Variants in PRICKLE1 observed in about 807,000 individuals in gnomAD.
PRICKLE1 encodes the protein prickle-like protein 1.
In PRICKLE1, 14 loss-of-function variants were observed where a neutral mutation model predicts 70.2. The observed-to-expected ratio is 0.20, with a 90% CI of 0.13 to 0.31. The LOEUF is 0.31. PRICKLE1 is among the 10% of genes least tolerant of loss of function. The pLI is 1.00. For synonymous variants in PRICKLE1, 357 were observed against 379.9 expected, an observed-to-expected ratio of 0.94 and a Z score of 0.70; for missense variants, 821 against 1,026.2, an observed-to-expected ratio of 0.80 and a Z score of 2.73.
intron 1 of PRICKLE1, among the ~76,000 whole-genome samples, chr12:42,495,755 A>ATT (rs200834361): frequency 0.016 from 2,342 of 149,238 alleles, 69 homozygotes; most frequent in East Asian, 0.1. Flanking sequence ...CGCCCTGCTA[A>ATT]TTTTTTTTTT....
At chr12:42,574,611 C>T (rs1940774021) in intron 1 of PRICKLE1, among the ~76,000 whole-genome samples, 1 of 152,178 alleles carries the variant, frequency 6.6e-6, no homozygotes, top group Admixed American at 6.5e-5. Flanking sequence ...GATGTTAAAT[C>T]ACAATTTTAA....
At chr12:42,541,425 C>T (rs896992840) in intron 1 of PRICKLE1, among the ~76,000 whole-genome samples, 3 of 151,682 alleles carry the variant, frequency 2.0e-5, no homozygotes, top group Non-Finnish European at 2.9e-5. Flanking sequence ...ACTGCAGCCT[C>T]GACCTCCTGG....
rs201217516 is a variant in PRICKLE1, at chr12:42,552,059, CT to C, written c.-49+37405del. On this transcript the variant is annotated intron_variant, in intron 1 of 7. Coordinates refer to ENST00000345127, the MANE Select transcript of PRICKLE1 (RefSeq NM_153026.3). Reference sequence around the variant, plus strand: ...AACCTGTACACATTCAAGAAAGTTACTTTTTTTTTTTTTTTTTTTTTTTTGG... The same window carrying C: ...AACCTGTACACATTCAAGAAAGTTACTTTTTTTTTTTTTTTTTTTTTTTGG... 2.6e-3 allele frequency among the ~76,000 whole-genome samples: 341 copies of C among 129,172 alleles called. 1 individual carries two copies. Among genetic ancestry groups the C allele is most frequent in the African/African-American group, 6.8e-3 (225 of 32,916 alleles). 84.7% of individuals were successfully genotyped at this position (129,172 alleles called of 152,430 possible).
At chr12:42,508,869 T>G (rs1269289924) in intron 1 of PRICKLE1, among the ~76,000 whole-genome samples, 1 of 152,136 alleles carries the variant, frequency 6.6e-6, no homozygotes, top group Non-Finnish European at 1.5e-5. Flanking sequence ...GACCTCAGTT[T>G]CTCATCTACA....
chr12:42,563,565 T>C (rs981899020), intron 1 of PRICKLE1, among the ~76,000 whole-genome samples: 4 of 151,188 alleles, frequency 2.6e-5, no homozygotes, highest in Non-Finnish European at 4.4e-5. Flanking sequence ...TAGCCAGGCG[T>C]GGTGATGGGC....
chr12:42,504,552 A>T (rs1444730278), intron 1 of PRICKLE1, among the ~76,000 whole-genome samples: 3 of 152,168 alleles, frequency 2.0e-5, no homozygotes, highest in African/African-American at 7.2e-5. Context: ...CTGCTGAATG[A>T]GATTTGTATT....
chr12:42,494,577 C>T (rs571390209), intron 1 of PRICKLE1, among the ~76,000 whole-genome samples: 38 of 151,990 alleles, frequency 2.5e-4, no homozygotes, highest in African/African-American at 7.7e-4. Flanking sequence ...GAGGCTGAGA[C>T]GGGTGGATCA....
At chr12:42,555,965 T>C (rs1327990124) in intron 1 of PRICKLE1, among the ~76,000 whole-genome samples, 1 of 152,240 alleles carries the variant, frequency 6.6e-6, no homozygotes, top group Non-Finnish European at 1.5e-5. Context: ...TCTTTACAAG[T>C]AGCCTGAGGT....
chr12:42,556,136 A>C (rs1940409206), intron 1 of PRICKLE1, among the ~76,000 whole-genome samples: 1 of 152,156 alleles, frequency 6.6e-6, no homozygotes, highest in Non-Finnish European at 1.5e-5. Context: ...TGCCTTAAGC[A>C]ATTGATTGTT....
At chr12:42,568,384 T>G (rs1365287758) in intron 1 of PRICKLE1, among the ~76,000 whole-genome samples, 1 of 152,216 alleles carries the variant, frequency 6.6e-6, no homozygotes, top group Non-Finnish European at 1.5e-5. Context: ...CCATGTTGCC[T>G]AGGCTAGTCT....
At chr12:42,505,054 A>C (rs1939383667) in intron 1 of PRICKLE1, among the ~76,000 whole-genome samples, 1 of 152,140 alleles carries the variant, frequency 6.6e-6, no homozygotes, top group South Asian at 2.1e-4. Context: ...CAGGAGAATC[A>C]CTTGAACCCA....
intron 1 of PRICKLE1, among the ~76,000 whole-genome samples, chr12:42,533,857 C>T (rs780860134): frequency 1.5e-4 from 23 of 152,238 alleles, no homozygotes; most frequent in Middle Eastern, 3.4e-3. Context: ...TCACAACTCC[C>T]CTCCCACACA....
intron 1 of PRICKLE1, among the ~76,000 whole-genome samples, chr12:42,476,710 A>G (rs59645146): frequency 0.02 from 3,055 of 152,164 alleles, 93 homozygotes; most frequent in African/African-American, 0.07. Context: ...CAGTGGCACA[A>G]TCATGGCTTA....
At chr12:42,530,008 A>G (rs2120537726) in intron 1 of PRICKLE1, among the ~76,000 whole-genome samples, 1 of 143,662 alleles carries the variant, frequency 7.0e-6, no homozygotes, top group East Asian at 2.0e-4. Context: ...GTGCAGTGGC[A>G]CTATCTTGGC....
At chr12:42,553,539 G>A (rs1940363141) in intron 1 of PRICKLE1, among the ~76,000 whole-genome samples, 2 of 138,992 alleles carry the variant, frequency 1.4e-5, no homozygotes, top group East Asian at 5.2e-4. Context: ...GGGTGGGGCG[G>A]GGGGGGTCTG....
chr12:42,520,132 T>TA (rs1939684335), intron 1 of PRICKLE1, among the ~76,000 whole-genome samples: 1 of 152,108 alleles, frequency 6.6e-6, no homozygotes, highest in Non-Finnish European at 1.5e-5. Flanking sequence ...CTTTTTCTGG[T>TA]AAAAAGCACC....
At chr12:42,502,412 A>G (rs1263935625) in intron 1 of PRICKLE1, among the ~76,000 whole-genome samples, 1 of 151,894 alleles carries the variant, frequency 6.6e-6, no homozygotes, top group African/African-American at 2.4e-5. Flanking sequence ...GGCTCAAGCA[A>G]TCTTCCTGCC....
intron 1 of PRICKLE1, among the ~76,000 whole-genome samples, chr12:42,587,363 T>C (rs1941001374): frequency 6.6e-6 from 1 of 152,114 alleles, no homozygotes; most frequent in Non-Finnish European, 1.5e-5. Context: ...CCTTCCTTCC[T>C]TCCTTTTGAG....
intron 1 of PRICKLE1, among the ~76,000 whole-genome samples, chr12:42,496,733 G>A (rs1372909078): frequency 6.6e-6 from 1 of 151,914 alleles, no homozygotes; most frequent in Non-Finnish European, 1.5e-5. Flanking sequence ...GAAACCTCAT[G>A]AAGCAACCTC....
Sources: allele counts gnomAD v4.1 joint callset (sites outside exome capture counted in the v4.1 genomes callset), GRCh38; gene constraint gnomAD v4.1.1; transcripts MANE v1.5; gene names NCBI Gene and HGNC (gene_info 2026-07-23, HGNC 2026-07-21).